Variants in SOS1 observed in about 807,000 individuals in gnomAD.
The protein encoded by SOS1 is son of sevenless homolog 1.
In SOS1, 25 loss-of-function variants were observed where a neutral mutation model predicts 157.6. The ratio of observed to expected loss-of-function variants is 0.16; its 90% CI spans 0.12 to 0.22. SOS1 has a LOEUF of 0.22. SOS1 is among the 10% of genes least tolerant of loss of function. The pLI, the probability that SOS1 is intolerant of heterozygous loss-of-function variation, is 1.00. For synonymous variants in SOS1, 528 were observed against 534.0 expected (o/e 0.99, Z 0.16); for missense variants, 1,237 against 1,599.1 (o/e 0.77, Z 3.86).
chr2:39,080,751 ATT>A (rs905982097), intron 1 of SOS1, among the ~76,000 whole-genome samples: 1 of 146,906 alleles, frequency 6.8e-6, no homozygotes. Context: ...TTTAACTGCA[ATT>A]TTTTTTTTTG....
chr2:39,106,833 C>T (rs897904814), intron 1 of SOS1, among the ~76,000 whole-genome samples: 2 of 152,118 alleles, frequency 1.3e-5, no homozygotes, highest in African/African-American at 2.4e-5. Context: ...GGACTATTCA[C>T]GAACTTACTG....
chr2:39,008,765 G>C (rs1031891967), intron 15 of SOS1, among the ~76,000 whole-genome samples: 1 of 152,154 alleles, frequency 6.6e-6, no homozygotes, highest in South Asian at 2.1e-4. Context: ...TCATAGCTGG[G>C]TGTGTGTGGT....
At position 38,996,937 on chromosome 2, in the gene SOS1, C is replaced by T; in HGVS notation, c.3066G>A (p.Lys1022=). 6.5e-7 allele frequency: 1 copy of T among 1,545,922 alleles called. No individual in the cohort carries two copies. ...KSLEIEPRNP[K]PLPRFPKKYS... The stretch of plus-strand genomic sequence containing the variant: ...AAATGCTTACAAATCTTGGGAGAGG[C>T]TTAGGGTTTCGTGGTTCTATTTCTA... The change falls in exon 19 of 23, where the codon AAG becomes AAA. Residue 1022 remains lysine (K), a synonymous_variant. Coordinates refer to ENST00000402219, the MANE Select transcript of SOS1 (RefSeq NM_005633.4).
chr2:39,044,287 G>C (rs914707185), intron 6 of SOS1, among the ~76,000 whole-genome samples: 2 of 152,260 alleles, frequency 1.3e-5, no homozygotes, highest in Non-Finnish European at 2.9e-5. Flanking sequence ...GGGAGGCGGA[G>C]GTTGCAGTGA....
intron 1 of SOS1, among the ~76,000 whole-genome samples, chr2:39,103,652 CA>C (rs1673057268): frequency 6.6e-6 from 1 of 152,108 alleles, no homozygotes; most frequent in Non-Finnish European, 1.5e-5. Flanking sequence ...GAAAATATAT[CA>C]ATGACCTAAA....
At chr2:39,027,465 G>A (rs1670002076) in intron 8 of SOS1, among the ~76,000 whole-genome samples, 1 of 152,170 alleles carries the variant, frequency 6.6e-6, no homozygotes, top group African/African-American at 2.4e-5. Context: ...ATAAATTTCA[G>A]TGTAATAAAT....
intron 5 of SOS1, among the ~76,000 whole-genome samples, chr2:39,051,535 T>A (rs1558489653): frequency 6.6e-6 from 1 of 152,190 alleles, no homozygotes; most frequent in Non-Finnish European, 1.5e-5. Flanking sequence ...CTTCACACTC[T>A]TAAAAATTAT....
intron 6 of SOS1, among the ~76,000 whole-genome samples, chr2:39,043,915 C>T (rs192480402): frequency 1.2e-3 from 187 of 151,756 alleles, no homozygotes; most frequent in South Asian, 2.3e-3. Context: ...TGGTCTATGC[C>T]GCAAGTCATT....
At chr2:39,010,950 C>CA (rs1428390116) in intron 14 of SOS1, among the ~76,000 whole-genome samples, 7 of 138,720 alleles carry the variant, frequency 5.0e-5, no homozygotes, top group African/African-American at 1.6e-4. Flanking sequence ...GGCTGGAGTA[C>CA]AATGGCATGA....
chr2:38,997,474 G>GTT (rs869215095), intron 17 of SOS1, 49 bp from the exon 18 acceptor site: 59 of 1,282,868 alleles, frequency 4.6e-5, no homozygotes, highest in South Asian at 6.0e-5. Flanking sequence ...GAAAATGCAA[G>GTT]TTTTTTTCTG....
At chr2:39,022,460 G>A in intron 10 of SOS1, 110 bp downstream of exon 10, 1 of 810,518 alleles carries the variant, frequency 1.2e-6, no homozygotes, top group Non-Finnish European at 2.1e-6. Flanking sequence ...AAGAAAAGAG[G>A]TCTTTGGTTG....
intron 19 of SOS1, among the ~76,000 whole-genome samples, chr2:38,996,123 T>C (rs1448975048): frequency 6.6e-6 from 1 of 152,072 alleles, no homozygotes; most frequent in Non-Finnish European, 1.5e-5. Context: ...TTGCTCTGTC[T>C]CCCAGGCTGG....
At position 39,097,154 on chromosome 2, in the gene SOS1, T is replaced by C. The variant is rs545225747; in HGVS notation, c.87+23182A>G. Among the ~76,000 whole-genome samples the C allele has an allele frequency of 6.8e-3, 1,033 of 152,292 alleles. 6 individuals are homozygous for C. Among genetic ancestry groups the C allele is most frequent in the Non-Finnish European group, 0.01 (712 of 68,020 alleles). ...CAGGAGACAAGCCTACGGAAAAAAG[T>C]AGACTTTATGTATGGCAAGAGTTTT... is the stretch of plus-strand genomic sequence containing the variant. On this transcript the variant is annotated intron_variant, in intron 1 of 22. Transcript: ENST00000402219.
At chr2:39,083,609 A>G (rs1204185340) in intron 1 of SOS1, among the ~76,000 whole-genome samples, 1 of 152,228 alleles carries the variant, frequency 6.6e-6, no homozygotes, top group East Asian at 1.9e-4. Context: ...GTTCTTGGAA[A>G]AAGTTATTCT....
At position 39,023,626 on chromosome 2, in the gene SOS1, TA is replaced by T. The variant is rs1375020073; in HGVS notation, c.1202+383del. On this transcript the variant is annotated intron_variant, in intron 9 of 22. Transcript: ENST00000402219. The stretch of plus-strand genomic sequence containing the variant: ...AGCTAAAAACATGTAGCACATATTA[TA>T]ATCAGGAAAGTGGAAGCAATGTTAT... Among the ~76,000 whole-genome samples the T allele has an allele frequency of 2.6e-5, 4 of 152,194 alleles. No individual in the cohort carries two copies. In the East Asian group the frequency reaches 7.7e-4, roughly 29 times the overall value.
intron 1 of SOS1, among the ~76,000 whole-genome samples, chr2:39,116,469 G>A (rs981375627): frequency 1.3e-5 from 2 of 152,166 alleles, no homozygotes; most frequent in Non-Finnish European, 1.5e-5. Flanking sequence ...TATTAAACTA[G>A]GCTTCTAACT....
At chr2:39,113,729 T>C (rs1673530118) in intron 1 of SOS1, among the ~76,000 whole-genome samples, 2 of 152,268 alleles carry the variant, frequency 1.3e-5, no homozygotes, top group Non-Finnish European at 2.9e-5. Flanking sequence ...GCAAATCCCA[T>C]TGCTTTGTGT....
intron 1 of SOS1, among the ~76,000 whole-genome samples, chr2:39,092,278 C>T (rs1363815805): frequency 2.6e-5 from 4 of 152,080 alleles, no homozygotes; most frequent in Non-Finnish European, 5.9e-5. Flanking sequence ...TGGCTCACTG[C>T]ACATACTGCT....
At chr2:39,068,912 A>G (rs1318897219) in intron 1 of SOS1, among the ~76,000 whole-genome samples, 1 of 151,942 alleles carries the variant, frequency 6.6e-6, no homozygotes. Flanking sequence ...AACATGCTCA[A>G]CTCTCCAACA....
Sources: gnomAD v4.1 joint callset for allele counts (sites outside exome capture counted in the v4.1 genomes callset) on GRCh38, gnomAD v4.1.1 for gene constraint, MANE v1.5 for transcripts, NCBI Gene and HGNC (gene_info 2026-07-23, HGNC 2026-07-21) for gene names.